The following TMEM132D variants were observed in gnomAD, a reference collection of about 807,000 sequenced individuals.
TMEM132D encodes mature OL transmembrane protein.
In TMEM132D, 21 loss-of-function variants were observed where a neutral mutation model predicts 62.3. That is an observed-to-expected ratio of 0.34 (90% CI 0.24 to 0.49). The LOEUF (loss-of-function observed/expected upper bound fraction) is 0.49, where lower values mean the gene tolerates loss of function less well. Ranked by LOEUF, TMEM132D falls within the 20% of genes least tolerant of loss-of-function variation. The probability of loss-of-function intolerance (pLI) is 0.99; values close to 1 mark genes in which losing one functional copy is unlikely to be tolerated. For synonymous variants in TMEM132D, 621 were observed against 575.6 expected (o/e 1.08, Z -1.13); for missense variants, 1,346 against 1,402.8 (o/e 0.96, Z 0.65).
intron 2 of TMEM132D, among the ~76,000 whole-genome samples, chr12:129,650,118 T>C (rs1314535685): frequency 6.6e-6 from 1 of 152,236 alleles, no homozygotes; most frequent in African/African-American, 2.4e-5. Context: ...CTGCCACTTA[T>C]ACAGATACAA....
intron 1 of TMEM132D, among the ~76,000 whole-genome samples, chr12:129,842,227 C>T (rs1291124084): frequency 6.7e-6 from 1 of 150,268 alleles, no homozygotes; most frequent in Non-Finnish European, 1.5e-5. Context: ...GGATGACAGG[C>T]GTGAGCCACC....
At chr12:129,736,544 C>T (rs1869428455) in intron 1 of TMEM132D, among the ~76,000 whole-genome samples, 1 of 151,904 alleles carries the variant, frequency 6.6e-6, no homozygotes, top group Non-Finnish European at 1.5e-5. Flanking sequence ...AGGTCGGCAG[C>T]TGAACGTGGA....
At chr12:129,810,566 ACACACACCCCCC>A (rs952890627) in intron 1 of TMEM132D, among the ~76,000 whole-genome samples, 21 of 16,992 alleles carry the variant, frequency 1.2e-3, no homozygotes, top group Middle Eastern at 0.033. Flanking sequence ...ACACACACAC[ACACACACCCCCC>A]CACACTCTTT....
chr12:129,117,903 G>A (rs938854115), intron 5 of TMEM132D, among the ~76,000 whole-genome samples: 1 of 152,146 alleles, frequency 6.6e-6, no homozygotes, highest in South Asian at 2.1e-4. Context: ...TGGGGAGTTG[G>A]TATCAACTCA....
intron 3 of TMEM132D, among the ~76,000 whole-genome samples, chr12:129,500,035 C>G (rs1374973252): frequency 7.0e-6 from 1 of 142,278 alleles, no homozygotes; most frequent in Admixed American, 7.1e-5. Context: ...GTTCACCTGA[C>G]CTCATCTGTC....
chr12:129,315,754 G>A (rs1868467468), intron 4 of TMEM132D, among the ~76,000 whole-genome samples: 1 of 152,118 alleles, frequency 6.6e-6, no homozygotes, highest in African/African-American at 2.4e-5. Context: ...GAATTCTGCT[G>A]TGAAAGTGTC....
At chr12:129,670,784 T>C (rs1246100144) in intron 2 of TMEM132D, among the ~76,000 whole-genome samples, 1 of 152,140 alleles carries the variant, frequency 6.6e-6, no homozygotes, top group Non-Finnish European at 1.5e-5. Context: ...ACCAACTCTA[T>C]AAAGAAATAA....
In TMEM132D at chr12:129,084,578, C is replaced by T. The variant is rs369239393; in HGVS notation, c.1568G>A (p.Arg523Gln). The T allele has an allele frequency of 4.0e-5, 65 of 1,613,966 alleles. 2 individuals are homozygous for T. Among genetic ancestry groups the T allele is most frequent in the Admixed American group, 6.7e-5 (4 of 59,986 alleles). The change falls in exon 6 of 9, where the codon CGG becomes CAG. Residue 523 changes from arginine (R) to glutamine (Q), a missense_variant. Coordinates refer to ENST00000422113, the MANE Select transcript of TMEM132D (RefSeq NM_133448.3). ...SPLEMTVWVP[R>Q]LPLQIEVSDT... The stretch of plus-strand genomic sequence containing the variant: ...GGAGACCTCGATCTGCAGCGGAAGC[C>T]GGGGCACCCACACCGTCATCTCCAG...
chr12:129,468,425 G>T (rs1873987780), intron 3 of TMEM132D, among the ~76,000 whole-genome samples: 1 of 152,118 alleles, frequency 6.6e-6, no homozygotes, highest in African/African-American at 2.4e-5. Context: ...TTGCAAAGAA[G>T]ACCTGAAAGA....
chr12:129,079,275 T>C (rs994101387), intron 7 of TMEM132D, among the ~76,000 whole-genome samples: 6 of 152,188 alleles, frequency 3.9e-5, no homozygotes, highest in Non-Finnish European at 8.8e-5. Context: ...GGCCACACTG[T>C]ACACTTTGGG....
intron 3 of TMEM132D, among the ~76,000 whole-genome samples, chr12:129,361,467 G>A (rs1329595362): frequency 1.3e-5 from 2 of 152,162 alleles, no homozygotes; most frequent in African/African-American, 4.8e-5. Flanking sequence ...CAGAAATAAA[G>A]GGCAAATGGA....
intron 5 of TMEM132D, among the ~76,000 whole-genome samples, chr12:129,101,818 C>T (rs1875317071): frequency 3.3e-5 from 5 of 152,164 alleles, no homozygotes; most frequent in Admixed American, 2.0e-4. Context: ...AGGAAAAACA[C>T]TGACAGCAAC....
intron 4 of TMEM132D, among the ~76,000 whole-genome samples, chr12:129,220,812 T>C (rs1779237332): frequency 6.6e-6 from 1 of 151,450 alleles, no homozygotes; most frequent in Non-Finnish European, 1.5e-5. Context: ...ATAAACCTCT[T>C]AAAGACAGAT....
At chr12:129,372,118 C>A (rs1870621432) in intron 3 of TMEM132D, among the ~76,000 whole-genome samples, 1 of 152,198 alleles carries the variant, frequency 6.6e-6, no homozygotes, top group Admixed American at 6.5e-5. Flanking sequence ...GGTGGGTGGG[C>A]AACCTCCAAT....
rs1593353593 is a variant in TMEM132D, at chr12:129,367,838, T to A, written c.1116-30021A>T. On this transcript the variant is annotated intron_variant, in intron 3 of 8. Transcript: ENST00000422113. ...TCTTGCTCTGTCACCCAGGCTGGAG[T>A]GCAGCAGTGCAATCTTGGCTCACTG... Among the ~76,000 whole-genome samples, 3 of 148,170 alleles carry A rather than the reference T, an allele frequency of 2.0e-5. No homozygotes were observed. The Admixed American group carries it at 2.1e-4, about 10-fold the overall frequency.
Position 129,531,080 on chromosome 12 carries a change from T to G in TMEM132D, c.1094A>C (p.Lys365Thr). Residue 365 changes from lysine to threonine, a missense_variant, in exon 3 of 9, where the codon AAA (lysine) becomes ACA (threonine). Transcript: ENST00000422113. ...TCACCTGTTTTCTGAGCCAGCTGCT[T>G]TCTTCTGACAAACGATGACAGCTGG... ...YAPAVIVCQKKAAGSENSADG... is the reference protein window; with the variant it reads ...YAPAVIVCQKTAAGSENSADG... 1.9e-6 allele frequency: 3 copies of G among 1,613,426 alleles called. No individual in the cohort carries two copies. The highest frequency in any genetic ancestry group is 1.1e-5 in the South Asian group (1 of 91,018).
intron 8 of TMEM132D, among the ~76,000 whole-genome samples, chr12:129,077,964 T>TATTA (rs1463529150): frequency 2.0e-5 from 3 of 152,202 alleles, no homozygotes; most frequent in African/African-American, 7.2e-5. Flanking sequence ...AAACACACTC[T>TATTA]ATTAGCTCAC....
chr12:129,072,496 T>C lies in TMEM132D; in HGVS notation c.*1379A>G, dbSNP rs973414006. 3 of 152,300 alleles carry C rather than the reference T, an allele frequency of 2.0e-5. No individual in the cohort carries two copies. Among genetic ancestry groups the C allele is most frequent in the African/African-American group, 7.2e-5 (3 of 41,442 alleles). The allele number at this position is 152,300 out of a possible 1,614,324, so 9.4% of individuals were successfully genotyped here. ...GGATATCCAGAGTCATGGCTGGTCT[T>C]AAGCAATGCTGAACCTTTCGGGGCT... On this transcript the variant is annotated 3_prime_UTR_variant, in exon 9 of 9. Coordinates refer to ENST00000422113, the MANE Select transcript of TMEM132D (RefSeq NM_133448.3).
At position 129,337,620 on chromosome 12, in the gene TMEM132D, C is replaced by T. The variant is rs776127677; in HGVS notation, c.1299+14G>A. On this transcript the variant is annotated intron_variant, in intron 4 of 8. Coordinates refer to ENST00000422113, the MANE Select transcript of TMEM132D (RefSeq NM_133448.3). ...CGAGTTCAGTTCTAACAGCCCAGGG[C>T]GGGGCTTGCTTACCATAGCCAGCGG... The T allele has an allele frequency of 3.7e-6, 6 of 1,613,526 alleles. No individual in the cohort carries two copies. Among genetic ancestry groups the T allele is most frequent in the South Asian group, 1.1e-5 (1 of 90,916 alleles).
Sources: allele counts gnomAD v4.1 joint callset (sites outside exome capture counted in the v4.1 genomes callset), GRCh38; gene constraint gnomAD v4.1.1; transcripts MANE v1.5; gene names NCBI Gene and HGNC (gene_info 2026-07-23, HGNC 2026-07-21).